The following RDX variants were observed in gnomAD, a reference collection of about 807,000 sequenced individuals.
RDX encodes the protein deafness, autosomal recessive 24.
In RDX, 32 loss-of-function variants were observed where a neutral mutation model predicts 83.7. The observed-to-expected ratio is 0.38, with a 90% CI of 0.29 to 0.51. The LOEUF (loss-of-function observed/expected upper bound fraction) is 0.51. Ranked by LOEUF, RDX falls within the 20% of genes least tolerant of loss-of-function variation. RDX has a pLI of 0.87. For missense variants in RDX, 600 were observed against 689.9 expected (o/e 0.87, Z 1.46); for synonymous variants, 229 against 222.7 (o/e 1.03, Z -0.25).
rs1229693958 is a variant in RDX at position 110,236,079 on chromosome 11, G to GT, written c.1344+19dup. 3 of 1,534,910 alleles carry GT rather than the reference G, an allele frequency of 2.0e-6. No individual in the cohort carries two copies. The Admixed American group carries it at 5.0e-5, about 26-fold the overall frequency. On this transcript the variant is annotated intron_variant, in intron 12 of 13. Coordinates refer to ENST00000645495, the MANE Select transcript of RDX (RefSeq NM_002906.4). ...TATAAAAGCTATTCAATAAAAGCTAGTAAATGAATAAATGATTACTTTGTG... is the reference window on the plus strand; with the variant it reads ...TATAAAAGCTATTCAATAAAAGCTAGTTAAATGAATAAATGATTACTTTGTG...
At chr11:110,216,940 A>G (rs1864075755) in intron 14 of RDX, among the ~76,000 whole-genome samples, 1 of 152,226 alleles carries the variant, frequency 6.6e-6, no homozygotes, top group Non-Finnish European at 1.5e-5. Context: ...CACAAGGTAT[A>G]GCAACACAGG....
Position 110,230,574 on chromosome 11 carries a change from CAG to C in RDX, c.*1293_*1294del, listed in dbSNP as rs1281325820. The C allele has an allele frequency of 8.8e-6, 1 of 113,622 alleles. No homozygotes were observed. The highest frequency in any genetic ancestry group is 1.9e-5 in the Non-Finnish European group (1 of 52,586). The allele number at this position is 113,622 out of a possible 1,614,324, so 7.0% of individuals were successfully genotyped here. ...AGCATTTCTCTCTCTCATACACACA[CAG>C]AGTACACACACACACACACACACAC... On this transcript the variant is annotated 3_prime_UTR_variant, in exon 14 of 14. Coordinates refer to ENST00000645495, the MANE Select transcript of RDX (RefSeq NM_002906.4).
chr11:110,222,919 C>A (rs1864300741), intron 14 of RDX, among the ~76,000 whole-genome samples: 2 of 152,226 alleles, frequency 1.3e-5, no homozygotes, highest in South Asian at 4.2e-4. Flanking sequence ...GTTTAACCAA[C>A]CTAAAGGTTT....
Position 110,261,043 on chromosome 11 carries a change from G to A in RDX, c.468-2854C>T, listed in dbSNP as rs982681726. Reference sequence around the variant, plus strand: ...GTCTTTTTCTCATTTTTATGTACTTGGTAGGTTGATCTCTTTCATTCTCAT... The same window carrying A: ...GTCTTTTTCTCATTTTTATGTACTTAGTAGGTTGATCTCTTTCATTCTCAT... On this transcript the variant is annotated intron_variant, in intron 5 of 13. Transcript: ENST00000645495. Among the ~76,000 whole-genome samples the A allele has an allele frequency of 7.2e-5, 11 of 152,056 alleles. No homozygotes were observed. The South Asian group carries it at 2.3e-3, about 32-fold the overall frequency.
chr11:110,256,368 C>A (rs1427053237), intron 7 of RDX, among the ~76,000 whole-genome samples: 1 of 152,076 alleles, frequency 6.6e-6, no homozygotes, highest in African/African-American at 2.4e-5. Flanking sequence ...TGATATAAGT[C>A]AAAGTAACAT....
chr11:110,269,437 C>G (rs1030770691), intron 3 of RDX, among the ~76,000 whole-genome samples: 2 of 152,160 alleles, frequency 1.3e-5, no homozygotes, highest in African/African-American at 4.8e-5. Context: ...TTCAAGCACT[C>G]AGAGTCCCCA....
At chr11:110,252,880 C>T (rs1288486842) in intron 9 of RDX, among the ~76,000 whole-genome samples, 4 of 152,162 alleles carry the variant, frequency 2.6e-5, no homozygotes, top group Non-Finnish European at 5.9e-5. Flanking sequence ...AATCCTCCTG[C>T]CTCAGCCTCC....
chr11:110,258,150 T>C lies in RDX; in HGVS notation c.507A>G (p.Glu169=), dbSNP rs886047648. 9 of 1,611,672 alleles carry C rather than the reference T, an allele frequency of 5.6e-6. No individual in the cohort carries two copies. Among genetic ancestry groups the C allele is most frequent in the Non-Finnish European group, 6.8e-6 (8 of 1,178,836 alleles). The stretch of plus-strand genomic sequence containing the variant: ...CTTCATGCCAGTTCTGTATTCTTTC[T>C]TCCCACTGTTCTTTTGTTAGTTTGT... ...EQHKLTKEQW[E]ERIQNWHEEH... is the part of the protein sequence containing the mutation. The change falls in exon 6 of 14, where the codon GAA becomes GAG. Residue 169 remains glutamate, a synonymous_variant. Coordinates refer to ENST00000645495, the MANE Select transcript of RDX (RefSeq NM_002906.4).
chr11:110,227,221 C>T (rs1591127237), downstream of RDX, among the ~76,000 whole-genome samples: 3 of 152,004 alleles, frequency 2.0e-5, no homozygotes, highest in African/African-American at 7.2e-5. Context: ...TATTGTAATA[C>T]AGTGCAAGAA....
chr11:110,205,431 C>CAAAAAAAAAAAAAA (rs35103862), intron 14 of RDX, among the ~76,000 whole-genome samples: 1 of 47,064 alleles, frequency 2.1e-5, no homozygotes, highest in Non-Finnish European at 4.1e-5. Context: ...TTTACCTATC[C>CAAAAAAAAAAAAAA]AAAAAAAAAA....
chr11:110,196,775 G>A (rs893949488), intron 15 of RDX, among the ~76,000 whole-genome samples: 2 of 152,194 alleles, frequency 1.3e-5, no homozygotes, highest in African/African-American at 4.8e-5. Context: ...GAGAAAAAAG[G>A]CCCATGACTC....
chr11:110,262,414 A>G (rs1215157641), intron 5 of RDX, among the ~76,000 whole-genome samples: 2 of 152,072 alleles, frequency 1.3e-5, no homozygotes, highest in East Asian at 3.9e-4. Flanking sequence ...GTGAAACTCC[A>G]TCTCCACTAA....
At chr11:110,256,894 T>G (rs1400174340) in intron 7 of RDX, among the ~76,000 whole-genome samples, 1 of 152,162 alleles carries the variant, frequency 6.6e-6, no homozygotes, top group Non-Finnish European at 1.5e-5. Context: ...AATTAGTATT[T>G]TATTAGATAT....
intron 2 of RDX, chr11:110,272,823 C>A: frequency 1.8e-6 from 1 of 564,592 alleles, no homozygotes. Flanking sequence ...AAGCTATGGG[C>A]TTTCCATACT....
At chr11:110,273,499 G>C (rs538436636) in intron 2 of RDX, among the ~76,000 whole-genome samples, 20 of 152,222 alleles carry the variant, frequency 1.3e-4, no homozygotes, top group African/African-American at 4.8e-4. Flanking sequence ...CTGCAACCTT[G>C]ATCTCCTGGA....
At chr11:110,246,267 T>G (rs1859101725) in intron 10 of RDX, among the ~76,000 whole-genome samples, 1 of 152,224 alleles carries the variant, frequency 6.6e-6, no homozygotes, top group South Asian at 2.1e-4. Context: ...TCAATCAGCT[T>G]GCGCATTTAT....
chr11:110,208,567 C>G (rs912824360), intron 14 of RDX, among the ~76,000 whole-genome samples: 7 of 152,174 alleles, frequency 4.6e-5, no homozygotes, highest in Non-Finnish European at 7.3e-5. Flanking sequence ...TATCCACATC[C>G]ATCTTCACTT....
At chr11:110,257,952 A>G (rs1293899709) in intron 6 of RDX, 39 bp from the exon 7 acceptor site, 9 of 1,592,980 alleles carry the variant, frequency 5.6e-6, no homozygotes, top group South Asian at 1.1e-5. Context: ...TTTAAGTAGG[A>G]GCATATCAAA....
At chr11:110,289,973 A>AAAAAAAAAAAC (rs1565338372) in intron 1 of RDX, among the ~76,000 whole-genome samples, 2 of 148,204 alleles carry the variant, frequency 1.3e-5, no homozygotes, top group African/African-American at 4.9e-5. Flanking sequence ...AAAAAAAAAA[A>AAAAAAAAAAAC]AAAAAAAAAC....
Sources: gnomAD v4.1 joint callset for allele counts (sites outside exome capture counted in the v4.1 genomes callset) on GRCh38, gnomAD v4.1.1 for gene constraint, MANE v1.5 for transcripts, NCBI Gene and HGNC (gene_info 2026-07-23, HGNC 2026-07-21) for gene names.